Variants in PRKD1 observed in about 807,000 individuals in gnomAD.
The protein encoded by PRKD1 is protein kinase D1, also known as serine/threonine-protein kinase D1.
A neutral mutation model predicts 95.9 loss-of-function variants in PRKD1; 63 were observed. That is an observed-to-expected ratio of 0.66 (90% CI 0.54 to 0.81). The LOEUF is 0.81. Ranked by LOEUF, PRKD1 falls within the 30% of genes least tolerant of loss-of-function variation. The probability of loss-of-function intolerance (pLI) is 0.00; values close to 1 mark genes in which losing one functional copy is unlikely to be tolerated. For missense variants in PRKD1, 1,048 were observed against 1,165.3 expected, an observed-to-expected ratio of 0.90 and a Z score of 1.47; for synonymous variants, 425 against 423.1, an observed-to-expected ratio of 1.00 and a Z score of -0.05.
intron 1 of PRKD1, among the ~76,000 whole-genome samples, chr14:29,760,944 A>AT (rs1336162703): frequency 6.6e-6 from 1 of 151,816 alleles, no homozygotes; most frequent in Admixed American, 6.6e-5. Flanking sequence ...CAAAATCTTT[A>AT]TTTTTTTCTT....
chr14:29,920,641 T>C (rs1895069170), intron 1 of PRKD1, among the ~76,000 whole-genome samples: 1 of 150,434 alleles, frequency 6.6e-6, no homozygotes, highest in Non-Finnish European at 1.5e-5. Flanking sequence ...TTCATATAAT[T>C]ATCCATTACA....
chr14:29,609,440 A>G (rs958615059), intron 13 of PRKD1, among the ~76,000 whole-genome samples: 6 of 151,328 alleles, frequency 4.0e-5, no homozygotes, highest in Non-Finnish European at 7.4e-5. Context: ...AGAGGTGAGG[A>G]TCAATTCAAT....
intron 1 of PRKD1, among the ~76,000 whole-genome samples, chr14:29,879,141 C>G (rs906720131): frequency 6.6e-6 from 1 of 152,178 alleles, no homozygotes. Flanking sequence ...GGACATCACC[C>G]AGCACCTTGC....
chr14:29,835,063 A>C (rs1186745160), intron 1 of PRKD1, among the ~76,000 whole-genome samples: 1 of 152,200 alleles, frequency 6.6e-6, no homozygotes, highest in South Asian at 2.1e-4. Context: ...TAAAATTAAC[A>C]TACAAAGAAA....
At chr14:29,717,645 AC>A (rs1885686505) in intron 2 of PRKD1, among the ~76,000 whole-genome samples, 1 of 152,258 alleles carries the variant, frequency 6.6e-6, no homozygotes, top group Non-Finnish European at 1.5e-5. Context: ...TGTTACCATC[AC>A]TATTGTTATA....
intron 13 of PRKD1, among the ~76,000 whole-genome samples, chr14:29,600,987 A>G (rs1893496599): frequency 6.6e-6 from 1 of 152,298 alleles, no homozygotes; most frequent in Admixed American, 6.5e-5. Flanking sequence ...ATGAACAAAA[A>G]CCACCTAAAC....
At chr14:29,669,299 T>C (rs188237776) in intron 2 of PRKD1, among the ~76,000 whole-genome samples, 2 of 152,350 alleles carry the variant, frequency 1.3e-5, no homozygotes, top group Admixed American at 6.5e-5. Context: ...TTTCAACTTT[T>C]ACAAAAGTCA....
intron 7 of PRKD1, 86 bp downstream of exon 7, chr14:29,636,204 T>G: frequency 6.8e-7 from 1 of 1,467,144 alleles, no homozygotes; most frequent in Admixed American, 1.7e-5. Context: ...ATTTCTACTA[T>G]AATCTATTAA....
chr14:29,923,625 T>A (rs1286135133), intron 1 of PRKD1, among the ~76,000 whole-genome samples: 1 of 152,160 alleles, frequency 6.6e-6, no homozygotes, highest in African/African-American at 2.4e-5. Context: ...ACTGTTAAAT[T>A]TCTTTAGCCA....
intron 16 of PRKD1, among the ~76,000 whole-genome samples, chr14:29,593,270 C>T (rs1893193564): frequency 6.6e-6 from 1 of 152,132 alleles, no homozygotes; most frequent in South Asian, 2.1e-4. Context: ...ACTGGAAACA[C>T]CATTTGCTAA....
chr14:29,695,458 A>G (rs1034765240), intron 2 of PRKD1, among the ~76,000 whole-genome samples: 12 of 152,162 alleles, frequency 7.9e-5, no homozygotes, highest in Admixed American at 2.0e-4. Context: ...GTGAACTGAT[A>G]TGTTGAATGG....
chr14:29,760,270 C>G (rs1348546091), intron 1 of PRKD1, among the ~76,000 whole-genome samples: 1 of 151,810 alleles, frequency 6.6e-6, no homozygotes, highest in Non-Finnish European at 1.5e-5. Context: ...GCTTGTACCA[C>G]TGGTTCATTA....
At chr14:29,816,845 C>T (rs1056687000) in intron 1 of PRKD1, among the ~76,000 whole-genome samples, 8 of 152,092 alleles carry the variant, frequency 5.3e-5, no homozygotes, top group African/African-American at 1.9e-4. Flanking sequence ...ATTGAAATGT[C>T]CTCAAATTCC....
chr14:29,576,785 C>G lies in PRKD1; in HGVS notation c.*453G>C. 1 of 174,280 alleles carries G rather than the reference C, an allele frequency of 5.7e-6. No individual in the cohort carries two copies. The highest frequency in any genetic ancestry group is 2.4e-5 in the African/African-American group (1 of 42,244). The allele number at this position is 174,280 out of a possible 1,614,324, so 10.8% of individuals were successfully genotyped here. On this transcript the variant is annotated 3_prime_UTR_variant, in exon 18 of 18. Coordinates refer to ENST00000331968, the MANE Select transcript of PRKD1 (RefSeq NM_002742.3). ...CCCTACCCTCCTCATTCATTTTTTT[C>G]CCACATGGGTTTTGGAGTTGTTCAT... is the stretch of plus-strand genomic sequence containing the variant.
intron 2 of PRKD1, among the ~76,000 whole-genome samples, chr14:29,668,417 G>A (rs1026005555): frequency 6.6e-6 from 1 of 152,116 alleles, no homozygotes; most frequent in African/African-American, 2.4e-5. Context: ...ATATGACAGG[G>A]CAACAAACTA....
chr14:29,669,280 T>C (rs1882704447), intron 2 of PRKD1, among the ~76,000 whole-genome samples: 1 of 152,148 alleles, frequency 6.6e-6, no homozygotes, highest in South Asian at 2.1e-4. Flanking sequence ...TAAGGAAAAG[T>C]CATTGGTTTT....
chr14:29,712,642 G>T lies in PRKD1; in HGVS notation c.403+12894C>A, dbSNP rs534208463. Among the ~76,000 whole-genome samples the T allele has an allele frequency of 2.6e-5, 4 of 152,228 alleles. No individual in the cohort carries two copies. The East Asian group carries it at 7.7e-4, about 29-fold the overall frequency. On this transcript the variant is annotated intron_variant, in intron 2 of 17. Transcript: ENST00000331968. ...AAAGTGAAGGTACAAATACATTCTGGTGTAGCATTGCTCTTTCCAAATACA... is the reference window on the plus strand; with the variant it reads ...AAAGTGAAGGTACAAATACATTCTGTTGTAGCATTGCTCTTTCCAAATACA...
Position 29,885,804 on chromosome 14 carries a change from T to TAAAAAA in PRKD1, c.264+41439_264+41444dup, listed in dbSNP as rs759317394. Among the ~76,000 whole-genome samples the TAAAAAA allele has an allele frequency of 1.5e-3, 81 of 53,480 alleles. 6 individuals are homozygous for TAAAAAA. The highest frequency in any genetic ancestry group is 3.8e-3 in the African/African-American group (61 of 16,100). The allele number at this position is 53,480 out of a possible 152,430, so 35.1% of individuals were successfully genotyped here. On this transcript the variant is annotated intron_variant, in intron 1 of 17. Coordinates refer to ENST00000331968, the MANE Select transcript of PRKD1 (RefSeq NM_002742.3). Reference sequence around the variant, plus strand: ...CAACATGGTGAAACCCCATCTTTACTAAAAAAAAAAAAAAAAAAAAAAAAA... The same window carrying TAAAAAA: ...CAACATGGTGAAACCCCATCTTTACTAAAAAAAAAAAAAAAAAAAAAAAAAAAAAAA...
rs199532934 is a variant in PRKD1 at position 29,826,492 on chromosome 14, G to A, written c.264+100757C>T. On this transcript the variant is annotated intron_variant, in intron 1 of 17. Transcript: ENST00000331968. ...TATACATATATATGATGGAATATAT[G>A]TATACATATATATGATGGAATATAT... Among the ~76,000 whole-genome samples the A allele has an allele frequency of 4.8e-4, 25 of 51,862 alleles. No homozygotes were observed. The South Asian group carries it at 0.013, about 28-fold the overall frequency. 34.0% of individuals were successfully genotyped at this position (51,862 alleles called of 152,430 possible). A position where few individuals can be genotyped will look rare whatever the true frequency, so the allele number is the denominator to read the frequency against.
Sources: allele counts gnomAD v4.1 joint callset (sites outside exome capture counted in the v4.1 genomes callset), GRCh38; gene constraint gnomAD v4.1.1; transcripts MANE v1.5; gene names NCBI Gene and HGNC (gene_info 2026-07-23, HGNC 2026-07-21).